The following RAF1 variants were observed in gnomAD, a reference collection of about 807,000 sequenced individuals.
The protein encoded by RAF1 is Raf-1 proto-oncogene, serine/threonine kinase, also known as RAF proto-oncogene serine/threonine-protein kinase.
Under a neutral mutation model 81.1 loss-of-function variants are expected in RAF1, and 27 were observed. The observed-to-expected ratio is 0.33, with a 90% CI of 0.25 to 0.46. The LOEUF (loss-of-function observed/expected upper bound fraction) is 0.46. Among genes scored for constraint, RAF1 ranks in the 20% least tolerant of loss-of-function variants. The pLI is 1.00. For missense variants in RAF1, 598 were observed against 826.0 expected, an observed-to-expected ratio of 0.72 and a Z score of 3.38; for synonymous variants, 298 against 294.0, an observed-to-expected ratio of 1.01 and a Z score of -0.14.
chr3:12,583,640 T>C lies in RAF1; in HGVS notation c.*874A>G. On this transcript the variant is annotated 3_prime_UTR_variant, in exon 18 of 18. Transcript: ENST00000442415. ...AATTTATTTTATTAAAATAACATAA[T>C]TGAGGGACCATCAGATAACTGTATT... The C allele has an allele frequency of 4.3e-6, 1 of 232,864 alleles. No individual in the cohort carries two copies. The highest frequency in any genetic ancestry group is 6.1e-5 in the East Asian group (1 of 16,514). 14.4% of individuals were successfully genotyped at this position (232,864 alleles called of 1,614,324 possible).
chr3:12,641,488 T>TG lies in RAF1; in HGVS notation c.-27+22324dup, dbSNP rs758635536. On this transcript the variant is annotated intron_variant, in intron 1 of 17. Coordinates refer to ENST00000442415, the MANE Select transcript of RAF1 (RefSeq NM_001354689.3). ...GTCCCCCCCAAAAAAAAATGTTTTT[T>TG]GGTTTTTTTTTTTTTTTTTTTGAAA... 2.2e-3 allele frequency among the ~76,000 whole-genome samples: 316 copies of TG among 145,360 alleles called. 1 individual carries two copies. Among genetic ancestry groups the TG allele is most frequent in the African/African-American group, 4.7e-3 (182 of 38,592 alleles).
chr3:12,656,991 C>A (rs1161018196), intron 1 of RAF1, among the ~76,000 whole-genome samples: 3 of 143,650 alleles, frequency 2.1e-5, no homozygotes, highest in Non-Finnish European at 3.0e-5. Context: ...GAGTGAAACT[C>A]CATCTCGGGG....
At chr3:12,631,373 C>T (rs1190739702) in intron 1 of RAF1, among the ~76,000 whole-genome samples, 1 of 151,862 alleles carries the variant, frequency 6.6e-6, no homozygotes, top group African/African-American at 2.4e-5. Context: ...CCAAGGCAGG[C>T]GGATCAAGAG....
intron 1 of RAF1, among the ~76,000 whole-genome samples, chr3:12,660,918 G>A (rs1316566188): frequency 3.9e-5 from 6 of 152,150 alleles, no homozygotes; most frequent in African/African-American, 1.4e-4. Context: ...AGGTCGCAGT[G>A]AGCCAAGATC....
chr3:12,655,774 C>A (rs2060671451), intron 1 of RAF1, among the ~76,000 whole-genome samples: 1 of 151,998 alleles, frequency 6.6e-6, no homozygotes, highest in African/African-American at 2.4e-5. Context: ...ATGCCACCAC[C>A]ACATGGATAA....
At chr3:12,618,473 G>A (rs1559447519) in intron 2 of RAF1, 42 bp downstream of exon 2, 1 of 1,590,796 alleles carries the variant, frequency 6.3e-7, no homozygotes, top group Non-Finnish European at 8.6e-7. Context: ...TGCTCCACAG[G>A]CAGATAAATA....
At chr3:12,650,132 C>A (rs1248128368) in intron 1 of RAF1, among the ~76,000 whole-genome samples, 2 of 119,382 alleles carry the variant, frequency 1.7e-5, no homozygotes, top group Non-Finnish European at 3.2e-5. Context: ...GGAGACAGTG[C>A]GAGACTCCAT....
chr3:12,584,808 C>T (rs202087545), intron 17 of RAF1, 39 bp downstream of exon 16: 41 of 1,613,822 alleles, frequency 2.5e-5, no homozygotes, highest in East Asian at 8.9e-5. Context: ...TACGAACCAA[C>T]CCATGCTTTA....
chr3:12,608,215 T>C (rs1292258836), intron 5 of RAF1, among the ~76,000 whole-genome samples: 2 of 152,212 alleles, frequency 1.3e-5, no homozygotes, highest in African/African-American at 2.4e-5. Context: ...ATGTAAACTT[T>C]AAATTCTTTA....
intron 1 of RAF1, among the ~76,000 whole-genome samples, chr3:12,642,719 C>CACACAA (rs1491570753): frequency 3.7e-4 from 53 of 141,480 alleles, no homozygotes; most frequent in South Asian, 2.2e-3. Context: ...CACACACACA[C>CACACAA]AAAATAGCTG....
chr3:12,591,042 C>T (rs529578172), intron 12 of RAF1, 68 bp from the exon 12 acceptor site: 20 of 1,438,242 alleles, frequency 1.4e-5, no homozygotes, highest in South Asian at 8.9e-5. Context: ...TGTGCTTTCC[C>T]GTGGACAGTG....
chr3:12,627,021 C>CCA (rs2059723312), intron 1 of RAF1, among the ~76,000 whole-genome samples: 1 of 77,024 alleles, frequency 1.3e-5, no homozygotes, highest in Non-Finnish European at 2.8e-5. Context: ...GACTCTGTCT[C>CCA]AAAAAAAAAA....
intron 1 of RAF1, among the ~76,000 whole-genome samples, chr3:12,631,099 G>A (rs5746180): frequency 0.019 from 2,913 of 152,174 alleles, 92 homozygotes; most frequent in African/African-American, 0.066. Context: ...GTGGGCGGAT[G>A]AGCCCAAGAG....
chr3:12,624,898 AAAAAC>A (rs1237618985), intron 1 of RAF1, among the ~76,000 whole-genome samples: 5 of 135,478 alleles, frequency 3.7e-5, no homozygotes, highest in African/African-American at 9.9e-5. Flanking sequence ...AAAAAAAAAA[AAAAAC>A]AAAAACAAAA....
intron 11 of RAF1, among the ~76,000 whole-genome samples, chr3:12,593,785 CCTT>C (rs59325418): frequency 0.14 from 16,790 of 119,370 alleles, 760 homozygotes; most frequent in Admixed American, 0.22. Flanking sequence ...GGGAGTAAAT[CCTT>C]TTTTTTTTTT....
At chr3:12,613,402 C>A (rs115068732) in intron 2 of RAF1, among the ~76,000 whole-genome samples, 1 of 151,954 alleles carries the variant, frequency 6.6e-6, no homozygotes. Context: ...GCCAGCCAAC[C>A]GCTCCCCCAC....
At chr3:12,632,061 C>T (rs1300766923) in intron 1 of RAF1, among the ~76,000 whole-genome samples, 1 of 151,932 alleles carries the variant, frequency 6.6e-6, no homozygotes, top group Non-Finnish European at 1.5e-5. Context: ...GGCACAGTGG[C>T]TCACGCCTGT....
Position 12,623,915 on chromosome 3 carries a change from C to G in RAF1, c.-26-5168G>C, listed in dbSNP as rs547847887. ...TGTTGCCCAGGCTGGAATGCAGTGG[C>G]GCGATCTTGGCTCACTGCAACCTCT... On this transcript the variant is annotated intron_variant, in intron 1 of 17. Coordinates refer to ENST00000442415, the MANE Select transcript of RAF1 (RefSeq NM_001354689.3). Among the ~76,000 whole-genome samples, 5 of 149,308 alleles carry G rather than the reference C, an allele frequency of 3.3e-5. No homozygotes were observed. In the East Asian group the frequency reaches 9.9e-4, roughly 30 times the overall value.
intron 2 of RAF1, among the ~76,000 whole-genome samples, chr3:12,617,037 C>A (rs2059389976): frequency 6.6e-6 from 1 of 152,084 alleles, no homozygotes; most frequent in Non-Finnish European, 1.5e-5. Context: ...TGGGCTCAAG[C>A]CATCCTCCCA....
Sources: allele counts gnomAD v4.1 joint callset (sites outside exome capture counted in the v4.1 genomes callset), GRCh38; gene constraint gnomAD v4.1.1; transcripts MANE v1.5; gene names NCBI Gene and HGNC (gene_info 2026-07-23, HGNC 2026-07-21).